The following PPP1R7 variants were observed in gnomAD, a reference collection of about 807,000 sequenced individuals.
The protein encoded by PPP1R7 is protein phosphatase 1 regulatory subunit 7.
PPP1R7 carries 18 observed loss-of-function variants against 45.2 expected under a neutral mutation model. The observed-to-expected ratio is 0.40, with a 90% CI of 0.28 to 0.59. The LOEUF is 0.59. Ranked by LOEUF, PPP1R7 falls within the 20% of genes least tolerant of loss-of-function variation. PPP1R7 has a pLI of 0.46. For synonymous variants in PPP1R7, 181 were observed against 183.4 expected, an observed-to-expected ratio of 0.99 and a Z score of 0.11; for missense variants, 314 against 455.8, an observed-to-expected ratio of 0.69 and a Z score of 2.83.
Position 241,178,458 on chromosome 2 carries a change from C to CTTTT in PPP1R7, c.907-4176_907-4173dup, listed in dbSNP as rs71049557. ...ACTTTACTTTGTCACTGGTCTTCAGCTTTTTTTTTTTTTTTTGAGACAGAG... is the reference window on the plus strand; with the variant it reads ...ACTTTACTTTGTCACTGGTCTTCAGCTTTTTTTTTTTTTTTTTTTTGAGACAGAG... On this transcript the variant is annotated intron_variant, in intron 9 of 9. Transcript: ENST00000234038. Among the ~76,000 whole-genome samples, 4 of 124,602 alleles carry CTTTT rather than the reference C, an allele frequency of 3.2e-5. No individual in the cohort carries two copies. The East Asian group carries it at 7.0e-4, about 22-fold the overall frequency. The allele number at this position is 124,602 out of a possible 152,430, so 81.7% of individuals were successfully genotyped here.
At chr2:241,160,811 T>C (rs1406443718) in intron 6 of PPP1R7, among the ~76,000 whole-genome samples, 1 of 152,268 alleles carries the variant, frequency 6.6e-6, no homozygotes, top group Non-Finnish European at 1.5e-5. Context: ...TGCCTTGCTC[T>C]TGAACTTCCT....
Position 241,182,975 on chromosome 2 carries a change from G to GC in PPP1R7, c.*152_*153insC. 1 of 820,698 alleles carries GC rather than the reference G, an allele frequency of 1.2e-6. No individual in the cohort carries two copies. The highest frequency in any genetic ancestry group is 1.9e-6 in the Non-Finnish European group (1 of 537,266). 50.8% of individuals were successfully genotyped at this position (820,698 alleles called of 1,614,324 possible). A position where few individuals can be genotyped will look rare whatever the true frequency, so the allele number is the denominator to read the frequency against. ...ACTGACGATAGCTGGCGCGCGCGAC[G>GC]TCACACACCATTTTCAGATGCCGTT... On this transcript the variant is annotated 3_prime_UTR_variant, in exon 10 of 10. Transcript: ENST00000234038.
At chr2:241,172,154 CTT>C (rs34924573) in intron 9 of PPP1R7, among the ~76,000 whole-genome samples, 3 of 143,834 alleles carry the variant, frequency 2.1e-5, no homozygotes, top group Admixed American at 6.9e-5. Context: ...TTTGGAGTGA[CTT>C]TTTTTTTTTT....
intron 4 of PPP1R7, 126 bp from the exon 5 acceptor site, chr2:241,159,087 A>C: frequency 8.3e-7 from 1 of 1,207,548 alleles, no homozygotes; most frequent in Non-Finnish European, 1.2e-6. Flanking sequence ...CTTTCTAGGA[A>C]ACAGCAGGAG....
At chr2:241,166,297 T>C (rs749717332) in intron 7 of PPP1R7, 40 bp from the exon 8 acceptor site, 2 of 1,521,770 alleles carry the variant, frequency 1.3e-6, no homozygotes, top group African/African-American at 1.4e-5. Flanking sequence ...TTTCATACCT[T>C]CTGTACTGTT....
At chr2:241,169,711 T>C in intron 8 of PPP1R7, 70 bp from the exon 9 acceptor site, 1 of 1,320,328 alleles carries the variant, frequency 7.6e-7, no homozygotes, top group Non-Finnish European at 1.1e-6. Context: ...CACTTGACAC[T>C]GCCTGCGTGG....
Position 241,150,550 on chromosome 2 carries a change from G to A in PPP1R7, c.52+3G>A, listed in dbSNP as rs1164013303. The A allele has an allele frequency of 6.3e-7, 1 of 1,592,342 alleles. No homozygotes were observed. The highest frequency in any genetic ancestry group is 8.5e-7 in the Non-Finnish European group (1 of 1,171,474). ...ACAGTCGCAGGAGATGATGGAGGGT[G>A]AGCGGCCCCTGCGGGCGGCGGCCCA... On this transcript the variant is annotated splice_donor_region_variant and intron_variant, in intron 1 of 9. Transcript: ENST00000234038.
chr2:241,151,317 C>T (rs1294424674), intron 1 of PPP1R7, among the ~76,000 whole-genome samples: 1 of 152,100 alleles, frequency 6.6e-6, no homozygotes, highest in Non-Finnish European at 1.5e-5. Flanking sequence ...GGGTACAGAC[C>T]TCCCAGAAGA....
At chr2:241,172,383 G>A (rs1361058677) in intron 9 of PPP1R7, among the ~76,000 whole-genome samples, 1 of 152,074 alleles carries the variant, frequency 6.6e-6, no homozygotes, top group Non-Finnish European at 1.5e-5. Flanking sequence ...AGTGGCTCAT[G>A]CCTGTAATCC....
At position 241,179,036 on chromosome 2, in the gene PPP1R7, G is replaced by A. The variant is rs1440956494; in HGVS notation, c.907-3611G>A. ...CAAAAAAATTGTGAAGGGAAATACAGGTATCCTATGTATGTATATGCAAAA... is the reference window on the plus strand; with the variant it reads ...CAAAAAAATTGTGAAGGGAAATACAAGTATCCTATGTATGTATATGCAAAA... On this transcript the variant is annotated intron_variant, in intron 9 of 9. Transcript: ENST00000234038. 2.6e-5 allele frequency among the ~76,000 whole-genome samples: 4 copies of A among 152,076 alleles called. No homozygotes were observed. The East Asian group carries it at 5.8e-4, about 22-fold the overall frequency.
At chr2:241,153,118 G>C (rs2067361247) in intron 1 of PPP1R7, among the ~76,000 whole-genome samples, 1 of 152,240 alleles carries the variant, frequency 6.6e-6, no homozygotes. Context: ...TGATCCCCCA[G>C]CCCAAAAGTG....
upstream of PPP1R7, chr2:241,150,267 C>T (rs941424754): frequency 1.8e-5 from 24 of 1,321,090 alleles, no homozygotes; most frequent in Non-Finnish European, 2.1e-5. Context: ...AGCTTCTCGC[C>T]TCCAGACTGT....
Position 241,182,961 on chromosome 2 carries a change from C to G in PPP1R7, c.*138C>G, listed in dbSNP as rs781046405. 67 of 973,598 alleles carry G rather than the reference C, an allele frequency of 6.9e-5. No individual in the cohort carries two copies. Among genetic ancestry groups the G allele is most frequent in the Non-Finnish European group, 9.4e-5 (63 of 673,398 alleles). 60.3% of individuals were successfully genotyped at this position (973,598 alleles called of 1,614,324 possible). A position where few individuals can be genotyped will look rare whatever the true frequency, so the allele number is the denominator to read the frequency against. Reference sequence around the variant, plus strand: ...ATGGCAATAAAGGCACTGACGATAGCTGGCGCGCGCGACGTCACACACCAT... The same window carrying G: ...ATGGCAATAAAGGCACTGACGATAGGTGGCGCGCGCGACGTCACACACCAT... On this transcript the variant is annotated 3_prime_UTR_variant, in exon 10 of 10. Transcript: ENST00000234038.
chr2:241,160,675 C>A (rs2067567707), intron 6 of PPP1R7, among the ~76,000 whole-genome samples, 181 bp downstream of exon 6: 1 of 152,206 alleles, frequency 6.6e-6, no homozygotes, highest in Non-Finnish European at 1.5e-5. Context: ...AAGTCAGTAT[C>A]AGTAAGTCCT....
rs538103562 is a variant in PPP1R7, at chr2:241,173,686, C to T, written c.906+3819C>T. Among the ~76,000 whole-genome samples the T allele has an allele frequency of 9.2e-5, 14 of 152,320 alleles. 1 individual carries two copies. The South Asian group carries it at 2.9e-3, about 32-fold the overall frequency. The stretch of plus-strand genomic sequence containing the variant: ...TCACCCCGGTTTCTCTCTGAAAACC[C>T]AGTTATGCATGTTCCCCTGGCACTA... On this transcript the variant is annotated intron_variant, in intron 9 of 9. Coordinates refer to ENST00000234038, the MANE Select transcript of PPP1R7 (RefSeq NM_002712.3).
chr2:241,179,498 G>C (rs375334559), intron 9 of PPP1R7, among the ~76,000 whole-genome samples: 1 of 152,222 alleles, frequency 6.6e-6, no homozygotes, highest in African/African-American at 2.4e-5. Context: ...CAAGCTAAAT[G>C]ACAGTGAGGG....
chr2:241,177,886 G>A lies in PPP1R7; in HGVS notation c.907-4761G>A, dbSNP rs945973420. ...CCGGCATGGAGCCCATCTGCCCACTGCCCTGCTGGCACAGGGGCTTCCCCA... is the reference window on the plus strand; with the variant it reads ...CCGGCATGGAGCCCATCTGCCCACTACCCTGCTGGCACAGGGGCTTCCCCA... On this transcript the variant is annotated intron_variant, in intron 9 of 9. Coordinates refer to ENST00000234038, the MANE Select transcript of PPP1R7 (RefSeq NM_002712.3). 3.9e-5 allele frequency among the ~76,000 whole-genome samples: 6 copies of A among 152,246 alleles called. 1 individual carries two copies. Among genetic ancestry groups the A allele is most frequent in the Admixed American group, 3.9e-4 (6 of 15,290 alleles).
intron 9 of PPP1R7, among the ~76,000 whole-genome samples, chr2:241,170,267 C>T (rs892550480): frequency 5.3e-5 from 8 of 152,298 alleles, no homozygotes; most frequent in East Asian, 1.9e-4. Flanking sequence ...GAGAGGCAGA[C>T]GCATTCCCTA....
chr2:241,173,479 GT>G (rs1482631225), intron 9 of PPP1R7, among the ~76,000 whole-genome samples: 1 of 151,970 alleles, frequency 6.6e-6, no homozygotes, highest in Non-Finnish European at 1.5e-5. Context: ...GCTTTTTAAT[GT>G]TCTTTTTAAT....
Sources: allele counts gnomAD v4.1 joint callset (sites outside exome capture counted in the v4.1 genomes callset), GRCh38; gene constraint gnomAD v4.1.1; transcripts MANE v1.5; gene names NCBI Gene and HGNC (gene_info 2026-07-23, HGNC 2026-07-21).